CALCR: variants seen among roughly 807,000 people sequenced by gnomAD.
CALCR encodes calcitonin receptor.
Under a neutral mutation model 59.5 loss-of-function variants are expected in CALCR, and 47 were observed. The ratio of observed to expected loss-of-function variants is 0.79; its 90% CI spans 0.63 to 1.01. The LOEUF (loss-of-function observed/expected upper bound fraction) is 1.01. Ranked by LOEUF, CALCR falls within the 50% of genes least tolerant of loss-of-function variation. The probability of loss-of-function intolerance (pLI) is 0.00; values close to 1 mark genes in which losing one functional copy is unlikely to be tolerated. For synonymous variants in CALCR, 213 were observed against 211.3 expected (o/e 1.01, Z -0.07); for missense variants, 566 against 597.1 (o/e 0.95, Z 0.54).
chr7:93,458,264 C>T (rs1471583485), intron 8 of CALCR, among the ~76,000 whole-genome samples: 2 of 152,076 alleles, frequency 1.3e-5, no homozygotes, highest in East Asian at 1.9e-4. Flanking sequence ...TGCTTTCCCA[C>T]GCCACGCCAC....
intron 2 of CALCR, among the ~76,000 whole-genome samples, chr7:93,566,781 G>GT (rs564634147): frequency 6.4e-4 from 98 of 152,132 alleles, no homozygotes; most frequent in Admixed American, 4.3e-3. Context: ...AATAGTAGCT[G>GT]TTTTTTGTTT....
intron 2 of CALCR, among the ~76,000 whole-genome samples, chr7:93,520,836 A>C (rs1442593439): frequency 6.6e-6 from 1 of 152,148 alleles, no homozygotes; most frequent in African/African-American, 2.4e-5. Context: ...ATTGAATTTA[A>C]AGAAACAAAG....
At chr7:93,552,158 G>A (rs530359216) in intron 2 of CALCR, among the ~76,000 whole-genome samples, 2 of 152,066 alleles carry the variant, frequency 1.3e-5, no homozygotes, top group Non-Finnish European at 2.9e-5. Flanking sequence ...GAGTGATCTT[G>A]GGCATTGTTC....
At chr7:93,473,061 C>T (rs1359082057) in intron 5 of CALCR, among the ~76,000 whole-genome samples, 1 of 151,754 alleles carries the variant, frequency 6.6e-6, no homozygotes, top group African/African-American at 2.4e-5. Flanking sequence ...TTTTCTGCCT[C>T]TCAAGAGATT....
chr7:93,462,096 A>T, intron 7 of CALCR: 1 of 1,500,054 alleles, frequency 6.7e-7, no homozygotes, highest in Non-Finnish European at 9.0e-7. Flanking sequence ...CAAAGGAAAA[A>T]TAGTTGTCAA....
intron 3 of CALCR, among the ~76,000 whole-genome samples, chr7:93,480,885 A>G (rs1291559744): frequency 2.0e-5 from 3 of 151,870 alleles, no homozygotes; most frequent in African/African-American, 4.8e-5. Flanking sequence ...TGGAAATGAC[A>G]TGCATGAGCC....
At chr7:93,564,636 T>C (rs1354665615) in intron 2 of CALCR, among the ~76,000 whole-genome samples, 1 of 152,056 alleles carries the variant, frequency 6.6e-6, no homozygotes, top group Non-Finnish European at 1.5e-5. Flanking sequence ...GTATTTTTAG[T>C]AGAGACGGGG....
chr7:93,483,372 A>G (rs1215247834), intron 3 of CALCR, among the ~76,000 whole-genome samples: 3 of 151,526 alleles, frequency 2.0e-5, no homozygotes, highest in African/African-American at 4.8e-5. Flanking sequence ...GGTTCAATCT[A>G]TGGATGTACA....
intron 13 of CALCR, among the ~76,000 whole-genome samples, chr7:93,429,930 GTTTGTTTT>G (rs1799618934): frequency 9.5e-6 from 1 of 105,366 alleles, no homozygotes; most frequent in South Asian, 3.3e-4. Context: ...TTTTTTGTTT[GTTTGTTTT>G]TTTGTTTTTT....
chr7:93,448,434 T>C (rs1800046417), intron 8 of CALCR, among the ~76,000 whole-genome samples: 1 of 152,006 alleles, frequency 6.6e-6, no homozygotes, highest in South Asian at 2.1e-4. Flanking sequence ...ATAAGCTCTT[T>C]TGGTTTTTCA....
chr7:93,507,369 A>G (rs573639454), intron 2 of CALCR, among the ~76,000 whole-genome samples: 2 of 152,242 alleles, frequency 1.3e-5, no homozygotes, highest in African/African-American at 4.8e-5. Flanking sequence ...GTTTAGGAGC[A>G]GTACTTCAAA....
intron 2 of CALCR, among the ~76,000 whole-genome samples, chr7:93,491,897 C>G (rs1444317080): frequency 2.0e-5 from 3 of 151,938 alleles, no homozygotes; most frequent in Non-Finnish European, 2.9e-5. Flanking sequence ...AATCCCATTA[C>G]TGGGTATATA....
intron 2 of CALCR, among the ~76,000 whole-genome samples, chr7:93,508,983 A>G (rs1482456384): frequency 6.6e-6 from 1 of 152,118 alleles, no homozygotes; most frequent in African/African-American, 2.4e-5. Context: ...CTAAAACTAA[A>G]TTACCTAGCT....
At chr7:93,469,518 C>T (rs934090103) in intron 6 of CALCR, among the ~76,000 whole-genome samples, 2 of 151,526 alleles carry the variant, frequency 1.3e-5, no homozygotes, top group African/African-American at 4.8e-5. Context: ...ACCCATCCCT[C>T]TCTCTGTCTT....
Position 93,436,114 on chromosome 7 carries a change from T to G in CALCR, c.987A>C (p.Glu329Asp). The part of the protein sequence containing the change: ...IVRVLVTKMR[E>D]THEAESHMYL... ...ACATGTGGGATTCCGCCTCATGGGT[T>G]TCCCTCATTTTGGTCACAAGCACCC... The change falls in exon 12 of 14, where the codon GAA becomes GAC. Residue 329 changes from glutamate to aspartate, a missense_variant. Transcript: ENST00000426151. The G allele has an allele frequency of 6.2e-7, 1 of 1,614,176 alleles. No homozygotes were observed.
intron 2 of CALCR, among the ~76,000 whole-genome samples, chr7:93,490,505 C>T (rs1801050494): frequency 1.3e-5 from 2 of 151,734 alleles, no homozygotes; most frequent in South Asian, 4.1e-4. Context: ...ATTTAGAATA[C>T]CCCATCATCT....
rs17165478 is a variant in CALCR, at chr7:93,468,926, A to G, written c.430-120T>C. 5,042 of 481,296 alleles carry G rather than the reference A, an allele frequency of 0.01. 241 individuals carry two copies. Among genetic ancestry groups the G allele is most frequent in the African/African-American group, 0.092 (4,549 of 49,584 alleles). The allele number at this position is 481,296 out of a possible 1,614,324, so 29.8% of individuals were successfully genotyped here. On this transcript the variant is annotated intron_variant, in intron 6 of 13. Coordinates refer to ENST00000426151, the MANE Select transcript of CALCR (RefSeq NM_001742.4). ...GTTTTCCTCCTTTTAAAAACCTACT[A>G]CAATTATAACAAATATTTCAGATAG...
intron 2 of CALCR, among the ~76,000 whole-genome samples, chr7:93,501,400 T>C (rs2116002126): frequency 6.6e-6 from 1 of 152,144 alleles, no homozygotes; most frequent in African/African-American, 2.4e-5. Flanking sequence ...AATGATGAAA[T>C]CACCAGTTCA....
At chr7:93,493,365 A>G (rs1801126671) in intron 2 of CALCR, among the ~76,000 whole-genome samples, 1 of 151,392 alleles carries the variant, frequency 6.6e-6, no homozygotes, top group Non-Finnish European at 1.5e-5. Flanking sequence ...TTATCCATGA[A>G]TTGTATGAAT....
Sources: allele counts gnomAD v4.1 joint callset (sites outside exome capture counted in the v4.1 genomes callset), GRCh38; gene constraint gnomAD v4.1.1; transcripts MANE v1.5; gene names NCBI Gene and HGNC (gene_info 2026-07-23, HGNC 2026-07-21).